ALCAM: variants seen among roughly 807,000 people sequenced by gnomAD.
ALCAM encodes activated leukocyte cell adhesion molecule, also known as CD166 antigen.
A neutral mutation model predicts 70.9 loss-of-function variants in ALCAM; 30 were observed. The observed-to-expected ratio is 0.42, with a 90% CI of 0.32 to 0.57. The LOEUF (loss-of-function observed/expected upper bound fraction) is 0.57, where lower values mean the gene tolerates loss of function less well. Ranked by LOEUF, ALCAM falls within the 20% of genes least tolerant of loss-of-function variation. The pLI is 0.11. For missense variants in ALCAM, 591 were observed against 695.1 expected (o/e 0.85, Z 1.68); for synonymous variants, 249 against 242.5 (o/e 1.03, Z -0.25).
At chr3:105,558,178 C>A (rs1374518716) in intron 14 of ALCAM, among the ~76,000 whole-genome samples, 1 of 152,060 alleles carries the variant, frequency 6.6e-6, no homozygotes, top group Admixed American at 6.5e-5. Context: ...GATGCCAGTC[C>A]TAAATACCAA....
intron 6 of ALCAM, among the ~76,000 whole-genome samples, chr3:105,537,714 G>A (rs1940007437): frequency 6.6e-6 from 1 of 152,084 alleles, no homozygotes; most frequent in Middle Eastern, 3.2e-3. Flanking sequence ...ATGTAATGAT[G>A]GCTACCAGGA....
Position 105,472,147 on chromosome 3 carries a change from A to G in ALCAM, c.74-47920A>G, listed in dbSNP as rs1176807908. ...GGATTTCCTTCTTTCTTGTGGCTGA[A>G]TAGATTATCACCCTCATGTAGGCCT... On this transcript the variant is annotated intron_variant, in intron 1 of 15. Coordinates refer to ENST00000306107, the MANE Select transcript of ALCAM (RefSeq NM_001627.4). Among the ~76,000 whole-genome samples the G allele has an allele frequency of 4.0e-5, 6 of 151,334 alleles. No individual in the cohort carries two copies. In the Admixed American group the frequency reaches 4.0e-4, roughly 10 times the overall value.
intron 1 of ALCAM, among the ~76,000 whole-genome samples, chr3:105,383,233 C>G (rs145838431): frequency 1.3e-5 from 2 of 151,768 alleles, no homozygotes; most frequent in African/African-American, 4.8e-5. Flanking sequence ...TCATGTATTG[C>G]CTATTCATTC....
chr3:105,418,303 T>C (rs1483233785), intron 1 of ALCAM, among the ~76,000 whole-genome samples: 1 of 151,884 alleles, frequency 6.6e-6, no homozygotes, highest in Non-Finnish European at 1.5e-5. Flanking sequence ...CATTTTTAAA[T>C]TAGATTTCAG....
intron 14 of ALCAM, among the ~76,000 whole-genome samples, chr3:105,569,335 T>G (rs1273092376): frequency 2.6e-5 from 4 of 152,116 alleles, no homozygotes; most frequent in Non-Finnish European, 4.4e-5. Flanking sequence ...GAAGAGATTT[T>G]GGGGATTATG....
Position 105,534,785 on chromosome 3 carries a change from T to C in ALCAM, c.670T>C (p.Tyr224His). The C allele has an allele frequency of 6.2e-7, 1 of 1,613,752 alleles. No homozygotes were observed. The highest frequency in any genetic ancestry group is 1.1e-5 in the South Asian group (1 of 91,066). ...IQMPFTCSVT[Y>H]YGPSGQKTIH... ...AATGCCATTCACCTGCTCGGTGACA[T>C]ATTATGGACCATCTGGCCAGAAAAC... Residue 224 changes from tyrosine to histidine, a missense_variant, in exon 6 of 16, where the codon TAT (tyrosine) becomes CAT (histidine). Around this residue, in one of 2 missense-constraint regions of ALCAM, gnomAD observed 427 missense variants for 450.4 expected, o/e 0.95. Coordinates refer to ENST00000306107, the MANE Select transcript of ALCAM (RefSeq NM_001627.4).
chr3:105,403,718 G>T (rs1936150613), intron 1 of ALCAM, among the ~76,000 whole-genome samples: 1 of 151,788 alleles, frequency 6.6e-6, no homozygotes, highest in South Asian at 2.1e-4. Context: ...ACCAGCAATG[G>T]ATCCAAACCA....
chr3:105,394,044 T>C (rs953383174), intron 1 of ALCAM, among the ~76,000 whole-genome samples: 38 of 151,946 alleles, frequency 2.5e-4, no homozygotes, highest in Admixed American at 1.4e-3. Context: ...GAGTCCATTC[T>C]TTCAAGAGGT....
chr3:105,407,231 A>G (rs1936260307), intron 1 of ALCAM, among the ~76,000 whole-genome samples: 1 of 150,452 alleles, frequency 6.6e-6, no homozygotes, highest in Non-Finnish European at 1.5e-5. Context: ...TAATACCAAA[A>G]CCAGAGAAGG....
chr3:105,418,973 G>T (rs1645907824), intron 1 of ALCAM, among the ~76,000 whole-genome samples: 1 of 151,474 alleles, frequency 6.6e-6, no homozygotes, highest in South Asian at 2.1e-4. Flanking sequence ...CCCATTTTCT[G>T]TGCTTTATTT....
At chr3:105,545,090 G>A in intron 8 of ALCAM, 133 bp from the exon 9 acceptor site, 1 of 670,710 alleles carries the variant, frequency 1.5e-6, no homozygotes, top group Non-Finnish European at 2.8e-6. Flanking sequence ...AATTATTTTA[G>A]TCATATAAAT....
At chr3:105,448,835 G>T (rs1330713418) in intron 1 of ALCAM, among the ~76,000 whole-genome samples, 1 of 152,160 alleles carries the variant, frequency 6.6e-6, no homozygotes, top group Non-Finnish European at 1.5e-5. Context: ...CAGGCACAGG[G>T]AACAGAATCT....
intron 3 of ALCAM, among the ~76,000 whole-genome samples, chr3:105,530,952 ATTTAG>A (rs932835181): frequency 4.6e-5 from 7 of 152,050 alleles, no homozygotes; most frequent in African/African-American, 1.7e-4. Context: ...ACAAAAGCCA[ATTTAG>A]TTTAGTTTGG....
chr3:105,422,131 G>C (rs1936666121), intron 1 of ALCAM, among the ~76,000 whole-genome samples: 4 of 151,266 alleles, frequency 2.6e-5, no homozygotes, highest in Admixed American at 2.6e-4. Context: ...TTAGAATAAT[G>C]GCCTCTGGCT....
chr3:105,573,589 A>G (rs1940900934), intron 15 of ALCAM, among the ~76,000 whole-genome samples: 1 of 152,198 alleles, frequency 6.6e-6, no homozygotes, highest in African/African-American at 2.4e-5. Context: ...GATTTTTAAG[A>G]CAATCTCAAA....
At chr3:105,510,124 A>C (rs1453155458) in intron 1 of ALCAM, among the ~76,000 whole-genome samples, 1 of 152,094 alleles carries the variant, frequency 6.6e-6, no homozygotes, top group Non-Finnish European at 1.5e-5. Flanking sequence ...ACACCTATGC[A>C]AGAAAAAATG....
chr3:105,419,540 A>C (rs1032463082), intron 1 of ALCAM, among the ~76,000 whole-genome samples: 4 of 151,824 alleles, frequency 2.6e-5, no homozygotes, highest in Admixed American at 6.6e-5. Context: ...CAGAGAACAT[A>C]GCAACTGCAC....
intron 1 of ALCAM, among the ~76,000 whole-genome samples, chr3:105,504,464 G>A (rs1939007901): frequency 6.6e-6 from 1 of 152,210 alleles, no homozygotes; most frequent in Non-Finnish European, 1.5e-5. Flanking sequence ...GATGGGGGAA[G>A]CCAGAAGGAG....
At chr3:105,566,384 C>G (rs1940743717) in intron 14 of ALCAM, among the ~76,000 whole-genome samples, 1 of 152,112 alleles carries the variant, frequency 6.6e-6, no homozygotes, top group African/African-American at 2.4e-5. Context: ...TTATTAGGTG[C>G]ATATACTTAC....
Sources: gnomAD v4.1 joint callset for allele counts (sites outside exome capture counted in the v4.1 genomes callset) on GRCh38, gnomAD v4.1.1 for gene constraint, gnomAD v4.1.1 regional missense constraint, MANE v1.5 for transcripts, NCBI Gene and HGNC (gene_info 2026-07-23, HGNC 2026-07-21) for gene names.